The following CSGALNACT1 variants were observed in gnomAD, a reference collection of about 807,000 sequenced individuals.
CSGALNACT1 encodes the protein beta4GalNAcT-1.
In CSGALNACT1, 52 loss-of-function variants were observed where a neutral mutation model predicts 51.0. That is an observed-to-expected ratio of 1.02 (90% CI 0.82 to 1.29). CSGALNACT1 has a LOEUF of 1.29. CSGALNACT1 is among the 50% of genes most tolerant of loss of function. The pLI, the probability that CSGALNACT1 is intolerant of heterozygous loss-of-function variation, is 0.00. For missense variants in CSGALNACT1, 935 were observed against 679.2 expected (o/e 1.38, Z -4.19); for synonymous variants, 341 against 254.4 (o/e 1.34, Z -3.24).
chr8:19,488,699 G>T (rs961097627), intron 4 of CSGALNACT1, among the ~76,000 whole-genome samples: 2 of 152,004 alleles, frequency 1.3e-5, no homozygotes, highest in African/African-American at 4.8e-5. Context: ...ATTGGGCCAG[G>T]CACTGCTATA....
chr8:19,434,040 T>A (rs2060017910), intron 6 of CSGALNACT1, among the ~76,000 whole-genome samples: 1 of 152,116 alleles, frequency 6.6e-6, no homozygotes, highest in Non-Finnish European at 1.5e-5. Context: ...TCCATAAAGC[T>A]CCCTTTCACA....
rs1481702843 is a variant in CSGALNACT1 at position 19,651,920 on chromosome 8, T to TTG, written c.-544+30552_-544+30553insCA. ...TCTCTACAACCTCGCTGTCTGTTTT[T>TTG]TTTTGTTTTGTTTTGTTTTGACTTT... On this transcript the variant is annotated intron_variant, in intron 1 of 9. Coordinates refer to the CSGALNACT1 transcript ENST00000332246. Among the ~76,000 whole-genome samples, 5 of 112,684 alleles carry TTG rather than the reference T, an allele frequency of 4.4e-5. No homozygotes were observed. The South Asian group carries it at 1.3e-3, about 29-fold the overall frequency. The allele number at this position is 112,684 out of a possible 152,430, so 73.9% of individuals were successfully genotyped here.
intron 3 of CSGALNACT1, among the ~76,000 whole-genome samples, chr8:19,515,380 G>A (rs1011148156): frequency 2.6e-5 from 4 of 152,176 alleles, no homozygotes; most frequent in Admixed American, 6.5e-5. Context: ...CTCAGAGGGC[G>A]TGTTCTCCAG....
rs139773225 is a variant in CSGALNACT1 at position 19,516,273 on chromosome 8, A to G, written c.-296-10143T>C. Among the ~76,000 whole-genome samples, 260 of 152,300 alleles carry G rather than the reference A, an allele frequency of 1.7e-3. 1 individual carries two copies. The highest frequency in any genetic ancestry group is 6.0e-3 in the African/African-American group (249 of 41,564). The stretch of plus-strand genomic sequence containing the variant: ...GAAACAGAAACTGAAGCTTAAAGCA[A>G]TGAAGTAACTTGACCCAGATGTTCA... On this transcript the variant is annotated intron_variant, in intron 3 of 9. Coordinates refer to ENST00000454498, the Ensembl canonical transcript of CSGALNACT1.
chr8:19,492,158 C>A (rs1052393298), intron 4 of CSGALNACT1, among the ~76,000 whole-genome samples: 2 of 152,308 alleles, frequency 1.3e-5, no homozygotes, highest in South Asian at 4.1e-4. Context: ...ATTTAAGTAA[C>A]AAAATGCTAA....
intron 1 of CSGALNACT1, among the ~76,000 whole-genome samples, chr8:19,651,954 A>C (rs770496142): frequency 1.3e-5 from 2 of 150,846 alleles, no homozygotes; most frequent in Non-Finnish European, 2.9e-5. Flanking sequence ...TTTTTTAGAC[A>C]GGCTCTCACT....
chr8:19,543,638 G>A (rs4332151), intron 3 of CSGALNACT1, among the ~76,000 whole-genome samples: 2 of 152,052 alleles, frequency 1.3e-5, no homozygotes. Context: ...GTGGCTGCAT[G>A]TTTCCCAGCT....
At chr8:19,444,642 C>T (rs1234851305) in intron 5 of CSGALNACT1, among the ~76,000 whole-genome samples, 1 of 152,108 alleles carries the variant, frequency 6.6e-6, no homozygotes, top group Non-Finnish European at 1.5e-5. Context: ...ATGCAGAGGC[C>T]AGTTTGTTCA....
chr8:19,527,629 G>A (rs2081966818), intron 3 of CSGALNACT1, among the ~76,000 whole-genome samples: 1 of 152,154 alleles, frequency 6.6e-6, no homozygotes, highest in Admixed American at 6.5e-5. Context: ...AAGGATAAAA[G>A]AGGCTTTCTG....
At chr8:19,674,901 T>C (rs1213049773) in intron 1 of CSGALNACT1, among the ~76,000 whole-genome samples, 3 of 152,108 alleles carry the variant, frequency 2.0e-5, no homozygotes, top group East Asian at 1.9e-4. Flanking sequence ...CATGGATGAA[T>C]CCAGAGTTTC....
At chr8:19,495,029 A>C (rs1192191751) in intron 4 of CSGALNACT1, 1 of 152,224 alleles carries the variant, frequency 6.6e-6, no homozygotes, top group Non-Finnish European at 1.5e-5. Flanking sequence ...AAGGCTCAGC[A>C]GATACTCACT....
chr8:19,509,898 A>C (rs1329919241), intron 3 of CSGALNACT1, among the ~76,000 whole-genome samples: 1 of 152,196 alleles, frequency 6.6e-6, no homozygotes, highest in Non-Finnish European at 1.5e-5. Context: ...GCATTGAGCT[A>C]CTATTTTAAG....
At chr8:19,407,657 T>C (rs1012520916) in intron 9 of CSGALNACT1, among the ~76,000 whole-genome samples, 1 of 152,156 alleles carries the variant, frequency 6.6e-6, no homozygotes, top group Non-Finnish European at 1.5e-5. Context: ...ACATGCTTGG[T>C]CTCCTCACCT....
At chr8:19,405,675 C>A in exon 10 of CSGALNACT1, 2 of 1,410,124 alleles carry the variant, frequency 1.4e-6, no homozygotes, top group Non-Finnish European at 2.0e-6. Flanking sequence ...ACCCATCAGT[C>A]CAATTCTTTT....
upstream of CSGALNACT1, among the ~76,000 whole-genome samples, chr8:19,683,474 T>C (rs867994504): frequency 2.0e-5 from 3 of 152,174 alleles, no homozygotes; most frequent in African/African-American, 4.8e-5. Flanking sequence ...CTTTTAAAAA[T>C]AGCCTTTCCA....
chr8:19,477,891 C>G (rs777137813), intron 4 of CSGALNACT1, among the ~76,000 whole-genome samples: 2 of 152,212 alleles, frequency 1.3e-5, no homozygotes, highest in African/African-American at 2.4e-5. Flanking sequence ...TTCGGTTCCT[C>G]CCATACACGT....
chr8:19,667,100 G>A (rs59897738), intron 1 of CSGALNACT1, among the ~76,000 whole-genome samples: 13,014 of 53,994 alleles, frequency 0.24, 3,088 homozygotes, highest in African/African-American at 0.49. Flanking sequence ...AGAAAGAAAG[G>A]GAAAGAAATC....
intron 1 of CSGALNACT1, among the ~76,000 whole-genome samples, chr8:19,733,633 T>C (rs954163113): frequency 6.6e-6 from 1 of 152,144 alleles, no homozygotes; most frequent in African/African-American, 2.4e-5. Flanking sequence ...GTGTGCCGAG[T>C]GGTCTATGTC....
intron 3 of CSGALNACT1, among the ~76,000 whole-genome samples, chr8:19,571,013 T>C (rs752845814): frequency 6.6e-5 from 10 of 152,154 alleles, no homozygotes; most frequent in Non-Finnish European, 1.0e-4. Flanking sequence ...GGTTCTTGCT[T>C]TGTCACCCAG....
Sources: gnomAD v4.1 joint callset for allele counts (sites outside exome capture counted in the v4.1 genomes callset) on GRCh38, gnomAD v4.1.1 for gene constraint, MANE v1.5 for transcripts, NCBI Gene and HGNC (gene_info 2026-07-23, HGNC 2026-07-21) for gene names.